Variants in SHE observed in about 807,000 individuals in gnomAD.
SHE encodes the protein SH2 domain-containing adapter protein E.
A neutral mutation model predicts 49.8 loss-of-function variants in SHE; 11 were observed. That is an observed-to-expected ratio of 0.22 (90% CI 0.14 to 0.37). The LOEUF is 0.37. Among genes scored for constraint, SHE ranks in the 10% least tolerant of loss-of-function variants. The pLI, the probability that SHE is intolerant of heterozygous loss-of-function variation, is 1.00. For synonymous variants in SHE, 310 were observed against 278.1 expected (o/e 1.11, Z -1.14); for missense variants, 624 against 655.5 (o/e 0.95, Z 0.52).
At position 154,481,757 on chromosome 1, in the gene SHE, C is replaced by A. The variant is rs1172784329; in HGVS notation, c.*2392G>T. On this transcript the variant is annotated 3_prime_UTR_variant, in exon 6 of 6. Transcript: ENST00000304760. Reference sequence around the variant, plus strand: ...ATTTGTTGAATGGATGCTGAAAAAACCTTTTAAAATCTTACACTAAAGATA... The same window carrying A: ...ATTTGTTGAATGGATGCTGAAAAAAACTTTTAAAATCTTACACTAAAGATA... 4.1e-6 allele frequency: 4 copies of A among 964,162 alleles called. No individual in the cohort carries two copies. In the Admixed American group the frequency reaches 2.5e-4, roughly 59 times the overall value. 59.7% of individuals were successfully genotyped at this position (964,162 alleles called of 1,614,324 possible). A position where few individuals can be genotyped will look rare whatever the true frequency, so the allele number is the denominator to read the frequency against.
chr1:154,488,206 G>A (rs1159202038), intron 3 of SHE, among the ~76,000 whole-genome samples: 3 of 151,662 alleles, frequency 2.0e-5, no homozygotes, highest in Non-Finnish European at 4.4e-5. Flanking sequence ...CTCCCAAAGT[G>A]CTAGGATTAC....
chr1:154,478,601 G>GT (rs1240801294), downstream of SHE, among the ~76,000 whole-genome samples: 4 of 152,134 alleles, frequency 2.6e-5, no homozygotes, highest in African/African-American at 9.7e-5. Flanking sequence ...ATGAGATGCT[G>GT]TATGATGAAA....
Position 154,479,830 on chromosome 1 carries a change from C to CACAA in SHE, c.*4318_*4319insTTGT, listed in dbSNP as rs2149288784. On this transcript the variant is annotated 3_prime_UTR_variant, in exon 6 of 6. Coordinates refer to ENST00000304760, the MANE Select transcript of SHE (RefSeq NM_001010846.3). ...CACGATCCAGCCTTAGTCCAGGGAC[C>CACAA]TTGTGATGATAGTTGTATTAGACTT... The CACAA allele has an allele frequency of 1.0e-6, 1 of 985,360 alleles. No individual in the cohort carries two copies. Among genetic ancestry groups the CACAA allele is most frequent in the Admixed American group, 6.1e-5 (1 of 16,276 alleles). The allele number at this position is 985,360 out of a possible 1,614,324, so 61.0% of individuals were successfully genotyped here. A position where few individuals can be genotyped will look rare whatever the true frequency, so the allele number is the denominator to read the frequency against.
chr1:154,474,200 G>A (rs977300900), intron 1 of SHE, among the ~76,000 whole-genome samples: 4 of 152,196 alleles, frequency 2.6e-5, no homozygotes, highest in African/African-American at 7.2e-5. Context: ...GGTTTGTCAC[G>A]TTTATCAGTG....
In SHE at chr1:154,483,619, T is replaced by C; in HGVS notation, c.*530A>G. The C allele has an allele frequency of 3.0e-6, 3 of 985,922 alleles. No homozygotes were observed. The highest frequency in any genetic ancestry group is 3.6e-6 in the Non-Finnish European group (3 of 830,366). 61.1% of individuals were successfully genotyped at this position (985,922 alleles called of 1,614,324 possible). On this transcript the variant is annotated 3_prime_UTR_variant, in exon 6 of 6. Coordinates refer to ENST00000304760, the MANE Select transcript of SHE (RefSeq NM_001010846.3). Reference sequence around the variant, plus strand: ...CCCAGAGCTGGAGGCAACAGCTAAATCATGATTTCTTATTGTAGAACTACT... The same window carrying C: ...CCCAGAGCTGGAGGCAACAGCTAAACCATGATTTCTTATTGTAGAACTACT...
At position 154,482,410 on chromosome 1, in the gene SHE, T is replaced by A; in HGVS notation, c.*1739A>T. ...TCACACAACCTTTTGGCTGAGATCT[T>A]ATCTGAATAAAGAAGCAAAAATTTA... On this transcript the variant is annotated 3_prime_UTR_variant, in exon 6 of 6. Transcript: ENST00000304760. The A allele has an allele frequency of 1.0e-6, 1 of 985,354 alleles. No individual in the cohort carries two copies. The highest frequency in any genetic ancestry group is 1.2e-6 in the Non-Finnish European group (1 of 829,870). 61.0% of individuals were successfully genotyped at this position (985,354 alleles called of 1,614,324 possible).
chr1:154,472,088 G>A (rs1485037141), intron 1 of SHE, among the ~76,000 whole-genome samples: 2 of 151,756 alleles, frequency 1.3e-5, no homozygotes, highest in African/African-American at 4.8e-5. Context: ...CATGAGAATC[G>A]CTTGAACCTG....
Position 154,483,557 on chromosome 1 carries a change from C to G in SHE, c.*592G>C, listed in dbSNP as rs1407166198. The G allele has an allele frequency of 3.0e-6, 3 of 985,366 alleles. No homozygotes were observed. The allele number at this position is 985,366 out of a possible 1,614,324, so 61.0% of individuals were successfully genotyped here. On this transcript the variant is annotated 3_prime_UTR_variant, in exon 6 of 6. Transcript: ENST00000304760. ...TGATGCTCCTGAACTCCTGACTTAA[C>G]CTTCCTGAGGGTCACACCATAAAAA...
At chr1:154,470,361 T>C (rs1442277770) in exon 2 of SHE, 1 of 1,289,214 alleles carries the variant, frequency 7.8e-7, no homozygotes, top group South Asian at 1.2e-5. Flanking sequence ...AGATGGTGAT[T>C]TCTGTAGAGG....
chr1:154,483,605 A>C lies in SHE; in HGVS notation c.*544T>G. The C allele has an allele frequency of 1.0e-6, 1 of 985,834 alleles. No individual in the cohort carries two copies. The highest frequency in any genetic ancestry group is 1.2e-6 in the Non-Finnish European group (1 of 830,242). 61.1% of individuals were successfully genotyped at this position (985,834 alleles called of 1,614,324 possible). A position where few individuals can be genotyped will look rare whatever the true frequency, so the allele number is the denominator to read the frequency against. ...AAAGAACACCCTACCCCAGAGCTGGAGGCAACAGCTAAATCATGATTTCTT... is the reference window on the plus strand; with the variant it reads ...AAAGAACACCCTACCCCAGAGCTGGCGGCAACAGCTAAATCATGATTTCTT... On this transcript the variant is annotated 3_prime_UTR_variant, in exon 6 of 6. Coordinates refer to ENST00000304760, the MANE Select transcript of SHE (RefSeq NM_001010846.3).
At chr1:154,484,982 AAAAG>A (rs1483810311) in intron 5 of SHE, 1 of 151,238 alleles carries the variant, frequency 6.6e-6, no homozygotes, top group Admixed American at 6.6e-5. Context: ...AAAAAAAAGA[AAAAG>A]AAAAGAAACC....
chr1:154,486,687 G>T lies in SHE; in HGVS notation c.1025-4C>A, dbSNP rs1485170385. The T allele has an allele frequency of 1.9e-6, 3 of 1,613,708 alleles. No individual in the cohort carries two copies. In the African/African-American group the frequency reaches 4.0e-5, roughly 22 times the overall value. On this transcript the variant is annotated splice_polypyrimidine_tract_variant and splice_region_variant and intron_variant, in intron 3 of 5. Transcript: ENST00000304760. ...CGCTCAGCTCCTTCAAACTGGACTGGAAGGAAGACTCCATTTAACATCACA... is the reference window on the plus strand; with the variant it reads ...CGCTCAGCTCCTTCAAACTGGACTGTAAGGAAGACTCCATTTAACATCACA...
At chr1:154,497,998 T>C (rs1692588759) in intron 2 of SHE, among the ~76,000 whole-genome samples, 1 of 152,108 alleles carries the variant, frequency 6.6e-6, no homozygotes, top group Non-Finnish European at 1.5e-5. Flanking sequence ...TAATTTATAA[T>C]TACTGCTTAG....
At chr1:154,485,787 C>A in intron 5 of SHE, 156 bp downstream of exon 5, 1 of 800,638 alleles carries the variant, frequency 1.2e-6, no homozygotes, top group Non-Finnish European at 1.9e-6. Context: ...CATTCTCATC[C>A]AAGTGTCTCA....
Position 154,501,787 on chromosome 1 carries a change from C to A in SHE, c.240G>T (p.Lys80Asn). The A allele has an allele frequency of 6.4e-7, 1 of 1,560,492 alleles. No homozygotes were observed. The highest frequency in any genetic ancestry group is 8.6e-7 in the Non-Finnish European group (1 of 1,160,258). ...GCTCGGCCGCCGAGTTCTTGCGGCC[C>A]TTGCCAGGACCCGGCCCAGCGCCGC... ...EAGGAGPGPGKGRKNSAAELG... is the reference protein window; with the variant it reads ...EAGGAGPGPGNGRKNSAAELG... Residue 80 changes from lysine to asparagine, a missense_variant, in exon 1 of 6, where the codon AAG becomes AAT. Transcript: ENST00000304760.
At chr1:154,492,334 A>G (rs1404389379) in intron 2 of SHE, among the ~76,000 whole-genome samples, 1 of 152,216 alleles carries the variant, frequency 6.6e-6, no homozygotes, top group African/African-American at 2.4e-5. Flanking sequence ...GATTCTAAAG[A>G]GCAGCTAAAC....
intron 1 of SHE, 134 bp downstream of exon 1, chr1:154,501,302 C>T: frequency 1.2e-6 from 1 of 803,898 alleles, no homozygotes; most frequent in East Asian, 2.5e-5. Context: ...CAGGAATTCC[C>T]AAATGGTGGA....
At chr1:154,485,744 GATAATGGAGGCATTTACCCA>G (rs1692156957) in intron 5 of SHE, 179 bp downstream of exon 5, 2 of 533,390 alleles carry the variant, frequency 3.7e-6, no homozygotes, top group African/African-American at 3.8e-5. Flanking sequence ...TATCATAATA[GATAATGGAGGCATTTACCCA>G]ATACCAATTT....
intron 2 of SHE, among the ~76,000 whole-genome samples, chr1:154,498,587 G>A (rs2149299660): frequency 6.6e-6 from 1 of 151,208 alleles, no homozygotes; most frequent in Admixed American, 6.6e-5. Flanking sequence ...TAGTAGAGAT[G>A]GGGTTTCACT....
Sources: allele counts gnomAD v4.1 joint callset (sites outside exome capture counted in the v4.1 genomes callset), GRCh38; gene constraint gnomAD v4.1.1; transcripts MANE v1.5; gene names NCBI Gene and HGNC (gene_info 2026-07-23, HGNC 2026-07-21).